The following ZZEF1 variants were observed in gnomAD, a reference collection of about 807,000 sequenced individuals.
ZZEF1 encodes the protein zinc finger ZZ-type and EF-hand domain-containing protein 1.
A neutral mutation model predicts 342.8 loss-of-function variants in ZZEF1; 157 were observed. The ratio of observed to expected loss-of-function variants is 0.46; its 90% confidence interval spans 0.40 to 0.52. The LOEUF (loss-of-function observed/expected upper bound fraction) is 0.52. Among genes scored for constraint, ZZEF1 ranks in the 20% least tolerant of loss-of-function variants. ZZEF1 has a pLI of 0.00. For missense variants in ZZEF1, 3,480 were observed against 3,725.6 expected, an observed-to-expected ratio of 0.93 and a Z score of 1.72; for synonymous variants, 1,505 against 1,429.1, an observed-to-expected ratio of 1.05 and a Z score of -1.20.
intron 36 of ZZEF1, 138 bp from the exon 37 acceptor site, chr17:4,049,997 G>A (rs1027986207): frequency 6.5e-5 from 60 of 922,742 alleles, no homozygotes; most frequent in Non-Finnish European, 8.2e-5. Flanking sequence ...AGGACTCAAC[G>A]TGAACATCCC....
At chr17:4,039,427 A>C (rs1016006726) in intron 39 of ZZEF1, among the ~76,000 whole-genome samples, 7 of 151,910 alleles carry the variant, frequency 4.6e-5, no homozygotes, top group Admixed American at 2.0e-4. Context: ...CTGAAATCGC[A>C]CCACTGAACT....
intron 39 of ZZEF1, among the ~76,000 whole-genome samples, chr17:4,036,844 C>CT: frequency 6.7e-6 from 1 of 150,338 alleles, no homozygotes; most frequent in South Asian, 2.1e-4. Context: ...CTCTCTCTCT[C>CT]CCCGCACCCC....
chr17:4,097,476 GGA>G (rs1491570978), intron 9 of ZZEF1, among the ~76,000 whole-genome samples: 6,461 of 113,654 alleles, frequency 0.057, 156 homozygotes, highest in South Asian at 0.098. Context: ...CTTTGAAATG[GGA>G]AAAAAAAAAA....
rs747358 is a variant in ZZEF1, at chr17:4,102,017, T to C, written c.1672+300A>G. On this transcript the variant is annotated intron_variant, in intron 9 of 54. Coordinates refer to ENST00000381638, the MANE Select transcript of ZZEF1 (RefSeq NM_015113.4). The stretch of plus-strand genomic sequence containing the variant: ...TTCCTACCACCTGAAGATAACACAA[T>C]AGAAAGACAATTGGAACTGAAAAAA... 8.5e-3 allele frequency among the ~76,000 whole-genome samples: 1,289 copies of C among 152,182 alleles called. 16 individuals carry two copies. The highest frequency in any genetic ancestry group is 0.03 in the African/African-American group (1,231 of 41,506).
In ZZEF1 at chr17:4,016,588, C is replaced by A; in HGVS notation, c.8002-122G>T. 8.0e-7 allele frequency: 1 copy of A among 1,244,002 alleles called. No individual in the cohort carries two copies. The highest frequency in any genetic ancestry group is 1.6e-5 in the South Asian group (1 of 63,210). The allele number at this position is 1,244,002 out of a possible 1,614,324, so 77.1% of individuals were successfully genotyped here. A position where few individuals can be genotyped will look rare whatever the true frequency, so the allele number is the denominator to read the frequency against. ...ATCATCTTAGACCTAGGACGAGCCT[C>A]TGTGACTCCACCACCCAAAACCAAC... On this transcript the variant is annotated intron_variant, in intron 48 of 54. Transcript: ENST00000381638. The surrounding 1 kb of genome is among the most constrained non-coding windows in gnomAD (Gnocchi z 4.4).
At chr17:4,034,609 T>G (rs1207013378) in intron 39 of ZZEF1, among the ~76,000 whole-genome samples, 5 of 152,084 alleles carry the variant, frequency 3.3e-5, no homozygotes, top group African/African-American at 1.2e-4. Flanking sequence ...CTCCCCTAAA[T>G]CCCCTCCCTG....
At chr17:4,009,437 G>A in intron 53 of ZZEF1, 167 bp downstream of exon 53, 1 of 936,148 alleles carries the variant, frequency 1.1e-6, no homozygotes, top group Non-Finnish European at 1.6e-6. Context: ...GGTTTCCCAG[G>A]CCTGGGAGAG....
intron 38 of ZZEF1, among the ~76,000 whole-genome samples, chr17:4,043,352 A>G (rs2056843250): frequency 2.0e-5 from 3 of 152,182 alleles, no homozygotes; most frequent in Admixed American, 2.0e-4. Flanking sequence ...GTGAATTTTG[A>G]TGATTTGGAT....
At position 4,081,470 on chromosome 17, in the gene ZZEF1, A is replaced by C; in HGVS notation, c.2735T>G (p.Leu912Arg). The C allele has an allele frequency of 6.2e-7, 1 of 1,614,120 alleles. No homozygotes were observed. Among genetic ancestry groups the C allele is most frequent in the Non-Finnish European group, 8.5e-7 (1 of 1,179,992 alleles). ...TYFSDKDPGG[L>R]LLLPEKNDLA... ...GTCGTTCTTCTCAGGTAAAAGAAGA[A>C]GGCCGCCTGGATCCTTGTCACTGAA... Residue 912 changes from leucine to arginine, a missense_variant, in exon 18 of 55, where the codon CTT becomes CGT. Coordinates refer to ENST00000381638, the MANE Select transcript of ZZEF1 (RefSeq NM_015113.4).
At chr17:4,037,795 C>T (rs2056707629) in intron 39 of ZZEF1, among the ~76,000 whole-genome samples, 1 of 152,136 alleles carries the variant, frequency 6.6e-6, no homozygotes, top group Admixed American at 6.6e-5. Flanking sequence ...GTTTCCCAGG[C>T]TGGTCTCGAA....
chr17:4,036,813 ACACACTCTCT>A (rs753582254), intron 39 of ZZEF1, among the ~76,000 whole-genome samples: 10,285 of 95,612 alleles, frequency 0.11, 411 homozygotes, highest in African/African-American at 0.12. Context: ...ACACACACAC[ACACACTCTCT>A]CTCTCTCTCT....
intron 1 of ZZEF1, among the ~76,000 whole-genome samples, chr17:4,139,198 G>C (rs530468961): frequency 6.7e-6 from 1 of 148,622 alleles, no homozygotes; most frequent in African/African-American, 2.5e-5. Context: ...TAATGTTTCA[G>C]ACTTTGGTCC....
rs750028988 is a variant in ZZEF1, at chr17:4,142,650, G to A, written c.246C>T (p.Arg82=). 3.1e-6 allele frequency: 5 copies of A among 1,607,136 alleles called. No homozygotes were observed. In the African/African-American group the frequency reaches 5.3e-5, roughly 17 times the overall value. Reference sequence around the variant, plus strand: ...CGCGGCCCAGCCGCTCTTCCAGCCAGCGAAACAACGCGCCGCGATGCCTCG... The same window carrying A: ...CGCGGCCCAGCCGCTCTTCCAGCCAACGAAACAACGCGCCGCGATGCCTCG... The part of the protein sequence containing the change: ...LVSRHRGALF[R]WLEERLGRGE... The change falls in exon 1 of 55, where the codon CGC becomes CGT. Residue 82 remains arginine (R), a synonymous_variant. Transcript: ENST00000381638.
At chr17:4,040,288 G>A (rs2056776369) in intron 39 of ZZEF1, among the ~76,000 whole-genome samples, 2 of 152,156 alleles carry the variant, frequency 1.3e-5, no homozygotes, top group African/African-American at 2.4e-5. Context: ...TCAGAAGGAA[G>A]AAATAGTAAC....
In ZZEF1 at chr17:4,013,120, G is replaced by A. The variant is rs577582256; in HGVS notation, c.8579+329C>T. ...AAAAAAAAAAAATCTATAGAATCAA[G>A]TGGAGATCCGAATGGAACAAAACTG... On this transcript the variant is annotated intron_variant, in intron 52 of 54. Transcript: ENST00000381638. Among the ~76,000 whole-genome samples the A allele has an allele frequency of 2.6e-5, 4 of 151,144 alleles. No individual in the cohort carries two copies. The East Asian group carries it at 5.8e-4, about 22-fold the overall frequency.
In ZZEF1 at chr17:4,095,964, T is replaced by C; in HGVS notation, c.1780A>G (p.Ile594Val). 1.9e-6 allele frequency: 3 copies of C among 1,611,044 alleles called. No individual in the cohort carries two copies. The highest frequency in any genetic ancestry group is 2.5e-6 in the Non-Finnish European group (3 of 1,178,196). Residue 594 changes from isoleucine to valine, a missense_variant, in exon 11 of 55, where the codon ATT (isoleucine) becomes GTT (valine). Ile to Val is a conservative substitution (Grantham distance 29). Around this residue, in one of 5 missense-constraint regions of ZZEF1, gnomAD observed 1,528 missense variants for 1,624.1 expected, o/e 0.94. Transcript: ENST00000381638. ...AACACCAACCCACACTGGGCACCAATGCCACCACGTCGAACCTGGAAACAG... is the reference window on the plus strand; with the variant it reads ...AACACCAACCCACACTGGGCACCAACGCCACCACGTCGAACCTGGAAACAG... ...QIRIMVRRGG[I>V]GAQCGLVFAY...
chr17:4,061,990 A>C (rs1887805405), intron 30 of ZZEF1, among the ~76,000 whole-genome samples: 1 of 152,204 alleles, frequency 6.6e-6, no homozygotes, highest in South Asian at 2.1e-4. Context: ...TCCCAACTAC[A>C]ACTTGGTATA....
Position 4,067,147 on chromosome 17 carries a change from G to T in ZZEF1, c.4155+16C>A. On this transcript the variant is annotated intron_variant, in intron 27 of 54. Transcript: ENST00000381638. ...AACCTAAAATATAGCAAAATCACAT[G>T]CAAAGAAAATCTTACCATCCATATT... The T allele has an allele frequency of 6.2e-7, 1 of 1,606,282 alleles. No individual in the cohort carries two copies. Among genetic ancestry groups the T allele is most frequent in the South Asian group, 1.1e-5 (1 of 90,100 alleles).
At position 4,120,608 on chromosome 17, in the gene ZZEF1, A is replaced by C. The variant is rs375292919; in HGVS notation, c.499+3299T>G. ...ACAGTAATACCTGAGCTTCATATTTAGGATACTGCTGATGCTGCACTGTTT... is the reference window on the plus strand; with the variant it reads ...ACAGTAATACCTGAGCTTCATATTTCGGATACTGCTGATGCTGCACTGTTT... On this transcript the variant is annotated intron_variant, in intron 2 of 54. Transcript: ENST00000381638. 6.6e-5 allele frequency among the ~76,000 whole-genome samples: 10 copies of C among 152,292 alleles called. No homozygotes were observed. In the South Asian group the frequency reaches 2.1e-3, roughly 32 times the overall value.
Sources: gnomAD v4.1 joint callset for allele counts (sites outside exome capture counted in the v4.1 genomes callset) on GRCh38, gnomAD v4.1.1 for gene constraint, gnomAD v4.1.1 regional missense constraint, Gnocchi (gnomAD v3.1) non-coding constraint, MANE v1.5 for transcripts, NCBI Gene and HGNC (gene_info 2026-07-23, HGNC 2026-07-21) for gene names.